The following ARHGAP21 variants were observed in gnomAD, a reference collection of about 807,000 sequenced individuals.
ARHGAP21 encodes the protein rho GTPase-activating protein 21.
In ARHGAP21, 38 loss-of-function variants were observed where a neutral mutation model predicts 164.6. That is an observed-to-expected ratio of 0.23 (90% CI 0.18 to 0.30). The LOEUF is 0.30. Among genes scored for constraint, ARHGAP21 ranks in the 10% least tolerant of loss-of-function variants. The pLI, the probability that ARHGAP21 is intolerant of heterozygous loss-of-function variation, is 1.00. For missense variants in ARHGAP21, 1,822 were observed against 2,370.7 expected (o/e 0.77, Z 4.81); for synonymous variants, 766 against 857.9 (o/e 0.89, Z 1.87).
chr10:24,613,934 T>A (rs1433387539), intron 9 of ARHGAP21, among the ~76,000 whole-genome samples: 1 of 152,210 alleles, frequency 6.6e-6, no homozygotes, highest in East Asian at 1.9e-4. Flanking sequence ...ACAAGTTAAC[T>A]GAACTCTTAA....
rs571194472 is a variant in ARHGAP21 at position 24,659,930 on chromosome 10, G to A, written c.268+7055C>T. Among the ~76,000 whole-genome samples the A allele has an allele frequency of 5.9e-5, 9 of 152,274 alleles. No individual in the cohort carries two copies. In the East Asian group the frequency reaches 7.7e-4, roughly 13 times the overall value. On this transcript the variant is annotated intron_variant, in intron 4 of 25. Transcript: ENST00000396432. Reference sequence around the variant, plus strand: ...TTAGTTTCATCATCTGAAATATGGCGGTGATAATAACACCCACCTTAGAAG... The same window carrying A: ...TTAGTTTCATCATCTGAAATATGGCAGTGATAATAACACCCACCTTAGAAG...
chr10:24,672,707 C>G (rs1565140157), intron 2 of ARHGAP21, among the ~76,000 whole-genome samples: 1 of 152,030 alleles, frequency 6.6e-6, no homozygotes, highest in Admixed American at 6.6e-5. Flanking sequence ...TTATTATCTT[C>G]CACCAGTGAG....
intron 2 of ARHGAP21, among the ~76,000 whole-genome samples, chr10:24,696,344 G>C (rs761900288): frequency 3.9e-5 from 6 of 152,308 alleles, no homozygotes; most frequent in African/African-American, 1.4e-4. Flanking sequence ...CCCGACCCCA[G>C]TCTTCAGCTG....
chr10:24,606,888 G>A (rs1232629743), intron 11 of ARHGAP21, among the ~76,000 whole-genome samples: 4 of 152,134 alleles, frequency 2.6e-5, no homozygotes, highest in Admixed American at 2.6e-4. Flanking sequence ...ACCCTTTGAT[G>A]TAAGAATCCT....
In ARHGAP21 at chr10:24,596,797, A is replaced by G. The variant is rs1193831428; in HGVS notation, c.3420T>C (p.Thr1140=). The part of the protein sequence containing the change: ...IMRKTFEKKP[T]ATGTFGVRLD... Reference sequence around the variant, plus strand: ...GTCGGACGCCGAAAGTTCCTGTAGCAGTTGGCTTTTTCTCAAATGTCTTTC... The same window carrying G: ...GTCGGACGCCGAAAGTTCCTGTAGCGGTTGGCTTTTTCTCAAATGTCTTTC... Residue 1140 remains threonine (T), a synonymous_variant, in exon 17 of 26, where the codon ACT becomes ACC. Transcript: ENST00000396432. 1 of 1,613,220 alleles carries G rather than the reference A, an allele frequency of 6.2e-7. No homozygotes were observed. Among genetic ancestry groups the G allele is most frequent in the East Asian group, 2.2e-5 (1 of 44,828 alleles).
chr10:24,592,594 GC>G (rs2076382635), intron 21 of ARHGAP21, among the ~76,000 whole-genome samples: 1 of 151,838 alleles, frequency 6.6e-6, no homozygotes, highest in African/African-American at 2.4e-5. Context: ...GACTGCTTGA[GC>G]CCAGGAGTTC....
intron 23 of ARHGAP21, 29 bp from the exon 24 acceptor site, chr10:24,591,359 T>C: frequency 6.5e-7 from 1 of 1,540,626 alleles, no homozygotes; most frequent in South Asian, 1.2e-5. Context: ...GATCTCTTCA[T>C]CATCTCTTCA....
At chr10:24,614,456 G>A (rs1040703520) in intron 9 of ARHGAP21, among the ~76,000 whole-genome samples, 1 of 152,168 alleles carries the variant, frequency 6.6e-6, no homozygotes, top group African/African-American at 2.4e-5. Flanking sequence ...TAGGTGAAAA[G>A]GCTCCAAAGT....
At position 24,667,035 on chromosome 10, in the gene ARHGAP21, T is replaced by C. The variant is rs138985946; in HGVS notation, c.244-26A>G. 9.1e-6 allele frequency: 11 copies of C among 1,209,688 alleles called. No individual in the cohort carries two copies. The East Asian group carries it at 2.1e-4, about 23-fold the overall frequency. The allele number at this position is 1,209,688 out of a possible 1,614,324, so 74.9% of individuals were successfully genotyped here. ...CTACAAATGAAAATATATATATACA[T>C]ATATGAGTACATATTTATAAACTCT... On this transcript the variant is annotated intron_variant, in intron 3 of 25. Transcript: ENST00000396432.
intron 4 of ARHGAP21, among the ~76,000 whole-genome samples, chr10:24,649,423 G>A (rs779999657): frequency 6.6e-6 from 1 of 152,090 alleles, no homozygotes; most frequent in Non-Finnish European, 1.5e-5. Context: ...AGACTCTCCC[G>A]CACTTAAGAG....
chr10:24,644,778 G>C (rs1461779664), intron 4 of ARHGAP21, among the ~76,000 whole-genome samples: 3 of 152,036 alleles, frequency 2.0e-5, no homozygotes, highest in Non-Finnish European at 4.4e-5. Flanking sequence ...CCAGCTCTTA[G>C]AGTCCTGTCT....
chr10:24,632,300 T>C (rs1565062437), intron 6 of ARHGAP21, among the ~76,000 whole-genome samples: 1 of 152,220 alleles, frequency 6.6e-6, no homozygotes, highest in African/African-American at 2.4e-5. Context: ...ACACTAAGTC[T>C]TTTAAGTTAT....
intron 2 of ARHGAP21, among the ~76,000 whole-genome samples, chr10:24,703,763 TCTTTCCGACCTATA>T (rs1408224200): frequency 1.3e-5 from 2 of 152,086 alleles, no homozygotes; most frequent in Non-Finnish European, 2.9e-5. Flanking sequence ...CACCCATACT[TCTTTCCGACCTATA>T]CCATAAGCTT....
chr10:24,714,132 G>A lies in ARHGAP21; in HGVS notation c.63+7705C>T, dbSNP rs879829812. On this transcript the variant is annotated intron_variant, in intron 2 of 25. Transcript: ENST00000396432. ...ACATCAACTAGACAGAAAAACAAGT[G>A]CCTACCATATGGTCTTTCTGTAACA... Among the ~76,000 whole-genome samples, 111 of 152,306 alleles carry A rather than the reference G, an allele frequency of 7.3e-4. 1 individual carries two copies. The highest frequency in any genetic ancestry group is 3.4e-3 in the Middle Eastern group (1 of 294).
intron 11 of ARHGAP21, among the ~76,000 whole-genome samples, chr10:24,606,573 G>T (rs555818729): frequency 6.6e-6 from 1 of 152,222 alleles, no homozygotes; most frequent in Non-Finnish European, 1.5e-5. Context: ...AATTTTTATG[G>T]ACAGCAATTA....
intron 13 of ARHGAP21, among the ~76,000 whole-genome samples, chr10:24,601,433 C>CAGCATTAAAATGTTCTTATATATA (rs2076808889): frequency 6.6e-6 from 1 of 152,158 alleles, no homozygotes; most frequent in Non-Finnish European, 1.5e-5. Flanking sequence ...ACTCTTCTGA[C>CAGCATTAAAATGTTCTTATATATA]AGCATTAAAA....
intron 4 of ARHGAP21, among the ~76,000 whole-genome samples, chr10:24,647,707 C>T (rs1837717545): frequency 6.6e-6 from 1 of 152,160 alleles, no homozygotes; most frequent in African/African-American, 2.4e-5. Flanking sequence ...ACTTACTAGG[C>T]ACTGAAAACT....
intron 3 of ARHGAP21, 38 bp downstream of exon 3, chr10:24,670,180 T>C: frequency 2.1e-6 from 3 of 1,455,518 alleles, no homozygotes; most frequent in Non-Finnish European, 2.8e-6. Flanking sequence ...AATGGCCTTG[T>C]GGTTTTTTTT....
rs2076782713 is a variant in ARHGAP21, at chr10:24,600,796, G to A, written c.2982C>T (p.Cys994=). 2.5e-6 allele frequency: 4 copies of A among 1,614,108 alleles called. No individual in the cohort carries two copies. In the East Asian group the frequency reaches 8.9e-5, roughly 36 times the overall value. The change falls in exon 14 of 26, where the codon TGC becomes TGT. Residue 994 remains cysteine, a synonymous_variant. Coordinates refer to ENST00000396432, the MANE Select transcript of ARHGAP21 (RefSeq NM_020824.4). ...TCTCACTGTAAGAGATGTCTATCAA[G>A]CAAGCATTAACACTGATGGGCTGCT... ...EEEQPISVNA[C]LIDISYSETK...
Sources: allele counts gnomAD v4.1 joint callset (sites outside exome capture counted in the v4.1 genomes callset), GRCh38; gene constraint gnomAD v4.1.1; transcripts MANE v1.5; gene names NCBI Gene and HGNC (gene_info 2026-07-23, HGNC 2026-07-21).